Variants in PGPEP1L observed in about 807,000 individuals in gnomAD.
PGPEP1L encodes pyroglutamyl-peptidase 1-like protein.
Under a neutral mutation model 6.0 loss-of-function variants are expected in PGPEP1L, and 7 were observed. The ratio of observed to expected loss-of-function variants is 1.17; its 90% CI spans 0.66 to 2.19. The LOEUF is 2.19. Among genes scored for constraint, PGPEP1L ranks in the 30% most tolerant of loss-of-function variants. The pLI is 0.00. For synonymous variants in PGPEP1L, 103 were observed against 83.9 expected, an observed-to-expected ratio of 1.23 and a Z score of -1.24; for missense variants, 209 against 192.5, an observed-to-expected ratio of 1.09 and a Z score of -0.51.
chr15:99,002,030 C>A (rs2017979230), intron 2 of PGPEP1L, among the ~76,000 whole-genome samples: 1 of 151,388 alleles, frequency 6.6e-6, no homozygotes, highest in African/African-American at 2.4e-5. Context: ...TTTTTATTTT[C>A]AGACAGGATC....
chr15:99,001,317 A>C lies in PGPEP1L; in HGVS notation c.-142+4112T>G, dbSNP rs1344348468. Reference sequence around the variant, plus strand: ...AGCCAGAGGCAAAGGACCACATGTAAAATGATTCCATTTATATGAAATGTC... The same window carrying C: ...AGCCAGAGGCAAAGGACCACATGTACAATGATTCCATTTATATGAAATGTC... On this transcript the variant is annotated intron_variant, in intron 2 of 4. Coordinates refer to ENST00000535714, the MANE Select transcript of PGPEP1L (RefSeq NM_001167902.2). 2.6e-5 allele frequency: 6 copies of C among 231,196 alleles called. No homozygotes were observed. The East Asian group carries it at 6.2e-4, about 24-fold the overall frequency. 14.3% of individuals were successfully genotyped at this position (231,196 alleles called of 1,614,324 possible).
chr15:99,007,319 C>G (rs1476555435), intron 1 of PGPEP1L, 40 bp downstream of exon 1: 1 of 152,294 alleles, frequency 6.6e-6, no homozygotes, highest in Non-Finnish European at 1.5e-5. Flanking sequence ...TTGGTCTCTA[C>G]CTCCTCTGGT....
At chr15:98,985,504 C>T (rs952931385) in intron 2 of PGPEP1L, among the ~76,000 whole-genome samples, 131 of 152,218 alleles carry the variant, frequency 8.6e-4, no homozygotes, top group African/African-American at 3.1e-3. Flanking sequence ...TGCCACTGCA[C>T]TCCAGCCTGG....
intron 2 of PGPEP1L, among the ~76,000 whole-genome samples, chr15:98,992,951 A>G (rs1555472200): frequency 6.6e-6 from 1 of 152,228 alleles, no homozygotes; most frequent in African/African-American, 2.4e-5. Context: ...TTAATTCAAG[A>G]TGGATTAAAG....
chr15:99,000,607 T>C (rs2017951888), intron 2 of PGPEP1L, among the ~76,000 whole-genome samples: 1 of 152,206 alleles, frequency 6.6e-6, no homozygotes, highest in Non-Finnish European at 1.5e-5. Flanking sequence ...AATGCACCAA[T>C]CGACGCTCTG....
In PGPEP1L at chr15:98,971,092, C is replaced by T. The variant is rs765018959; in HGVS notation, c.-75G>A. 6.2e-6 allele frequency: 10 copies of T among 1,613,302 alleles called. No individual in the cohort carries two copies. The highest frequency in any genetic ancestry group is 8.5e-6 in the Non-Finnish European group (10 of 1,179,720). ...ACCCTCCGCTTAGCCTCCCTGTAATCTACAGGCAGCTCCAGAGTCCGCAGC... is the reference window on the plus strand; with the variant it reads ...ACCCTCCGCTTAGCCTCCCTGTAATTTACAGGCAGCTCCAGAGTCCGCAGC... On this transcript the variant is annotated 5_prime_UTR_variant, in exon 3 of 5. An upstream open reading frame in the 5' UTR loses its in-frame stop. Coordinates refer to ENST00000535714, the MANE Select transcript of PGPEP1L (RefSeq NM_001167902.2).
chr15:98,995,865 CCT>C (rs2017880499), intron 2 of PGPEP1L, among the ~76,000 whole-genome samples: 1 of 152,170 alleles, frequency 6.6e-6, no homozygotes, highest in Non-Finnish European at 1.5e-5. Context: ...AACCATTAAT[CCT>C]CTTTTTGTCT....
chr15:98,987,603 C>G (rs575366280), intron 2 of PGPEP1L, among the ~76,000 whole-genome samples: 14 of 152,082 alleles, frequency 9.2e-5, no homozygotes, highest in Non-Finnish European at 1.5e-4. Flanking sequence ...GATTTTTGGT[C>G]TCTATGACTG....
At chr15:98,973,823 T>G (rs921135375) in intron 2 of PGPEP1L, among the ~76,000 whole-genome samples, 3 of 151,624 alleles carry the variant, frequency 2.0e-5, no homozygotes, top group African/African-American at 7.3e-5. Context: ...AAACCACACA[T>G]TAGTAGAAGG....
intron 2 of PGPEP1L, among the ~76,000 whole-genome samples, chr15:98,991,421 C>G (rs991980417): frequency 2.0e-5 from 3 of 152,132 alleles, no homozygotes; most frequent in African/African-American, 7.2e-5. Context: ...GAAGCCAAAT[C>G]CCTAAATAGA....
chr15:98,970,367 C>G (rs555116214), intron 3 of PGPEP1L, among the ~76,000 whole-genome samples: 1 of 152,238 alleles, frequency 6.6e-6, no homozygotes, highest in East Asian at 1.9e-4. Flanking sequence ...TTAAATGAAA[C>G]TTTAATAAAG....
chr15:98,978,937 C>T (rs1211979648), intron 2 of PGPEP1L, among the ~76,000 whole-genome samples: 1 of 151,718 alleles, frequency 6.6e-6, no homozygotes, highest in Non-Finnish European at 1.5e-5. Flanking sequence ...ACCATGTTGG[C>T]CAGGATGGTC....
intron 2 of PGPEP1L, among the ~76,000 whole-genome samples, chr15:98,999,458 C>G (rs1403859972): frequency 6.6e-6 from 1 of 152,164 alleles, no homozygotes; most frequent in East Asian, 1.9e-4. Flanking sequence ...TGAGGAGAAA[C>G]TAGGTCACTC....
intron 3 of PGPEP1L, among the ~76,000 whole-genome samples, chr15:98,970,448 T>C (rs1010723773): frequency 6.6e-6 from 1 of 151,142 alleles, no homozygotes; most frequent in Non-Finnish European, 1.5e-5. Context: ...TTTTGAAAAA[T>C]AGCTGCCCAA....
chr15:98,987,369 G>T (rs532462593), intron 2 of PGPEP1L, among the ~76,000 whole-genome samples: 1 of 152,042 alleles, frequency 6.6e-6, no homozygotes, highest in Middle Eastern at 3.2e-3. Context: ...CATGACTTTG[G>T]CTCAGCCAAT....
At chr15:98,973,260 A>G (rs752684247) in intron 2 of PGPEP1L, among the ~76,000 whole-genome samples, 2 of 152,234 alleles carry the variant, frequency 1.3e-5, no homozygotes, top group Admixed American at 6.5e-5. Context: ...AACCAATAAT[A>G]GCAGGAAACT....
At chr15:98,993,686 TG>T (rs551708983) in intron 2 of PGPEP1L, among the ~76,000 whole-genome samples, 402 of 15,770 alleles carry the variant, frequency 0.025, 6 homozygotes, top group African/African-American at 0.073. Context: ...CGGTGGGGGG[TG>T]GGGGAGGGAT....
chr15:98,994,336 T>G (rs533419159), intron 2 of PGPEP1L, among the ~76,000 whole-genome samples: 1 of 152,182 alleles, frequency 6.6e-6, no homozygotes, highest in Admixed American at 6.5e-5. Context: ...TACATTTTAG[T>G]TCAGTTCTCT....
intron 2 of PGPEP1L, among the ~76,000 whole-genome samples, chr15:98,973,472 G>GTA (rs1222929932): frequency 1.3e-5 from 2 of 152,144 alleles, no homozygotes; most frequent in Non-Finnish European, 2.9e-5. Context: ...CACAAAACAA[G>GTA]TAACAAATTT....
Sources: allele counts gnomAD v4.1 joint callset (sites outside exome capture counted in the v4.1 genomes callset), GRCh38; gene constraint gnomAD v4.1.1; transcripts MANE v1.5; gene names NCBI Gene and HGNC (gene_info 2026-07-23, HGNC 2026-07-21).